CDH12: variants seen among roughly 807,000 people sequenced by gnomAD.
The protein encoded by CDH12 is cadherin-12.
In CDH12, 41 loss-of-function variants were observed where a neutral mutation model predicts 74.1. The ratio of observed to expected loss-of-function variants is 0.55; its 90% CI spans 0.43 to 0.72. The LOEUF is 0.72. CDH12 is among the 30% of genes least tolerant of loss of function. The probability of loss-of-function intolerance (pLI) is 0.00; values close to 1 mark genes in which losing one functional copy is unlikely to be tolerated. For missense variants in CDH12, 945 were observed against 977.2 expected, an observed-to-expected ratio of 0.97 and a Z score of 0.44; for synonymous variants, 399 against 355.0, an observed-to-expected ratio of 1.12 and a Z score of -1.39.
intron 6 of CDH12, among the ~76,000 whole-genome samples, chr5:21,921,274 C>G (rs1754339868): frequency 6.6e-6 from 1 of 152,086 alleles, no homozygotes; most frequent in African/African-American, 2.4e-5. Context: ...TAAATGAGGT[C>G]AATGTATTTA....
At chr5:22,599,298 A>AT (rs1736740615) in intron 1 of CDH12, among the ~76,000 whole-genome samples, 1 of 152,132 alleles carries the variant, frequency 6.6e-6, no homozygotes, top group Non-Finnish European at 1.5e-5. Context: ...TGGTGATAAG[A>AT]TTCGGGAATA....
chr5:22,629,738 G>A (rs570441529), intron 1 of CDH12, among the ~76,000 whole-genome samples: 74 of 152,092 alleles, frequency 4.9e-4, no homozygotes, highest in Admixed American at 1.3e-3. Context: ...ATTGTTTAAT[G>A]TAGTACTGGA....
intron 4 of CDH12, among the ~76,000 whole-genome samples, chr5:22,199,637 T>C (rs1009246725): frequency 2.6e-5 from 4 of 152,142 alleles, no homozygotes; most frequent in South Asian, 2.1e-4. Flanking sequence ...TAGCATCCCA[T>C]AGAGAAAAAC....
intron 2 of CDH12, among the ~76,000 whole-genome samples, chr5:22,489,042 T>G (rs1266234455): frequency 1.4e-5 from 2 of 146,140 alleles, no homozygotes; most frequent in Non-Finnish European, 3.0e-5. Flanking sequence ...GTAATTGCAG[T>G]TTTTTGGTAC....
In CDH12 at chr5:22,662,729, T is replaced by A. The variant is rs146697727; in HGVS notation, c.-522-157365A>T. Among the ~76,000 whole-genome samples, 20 of 152,326 alleles carry A rather than the reference T, an allele frequency of 1.3e-4. No homozygotes were observed. In the East Asian group the frequency reaches 3.9e-3, roughly 29 times the overall value. On this transcript the variant is annotated intron_variant, in intron 1 of 14. Transcript: ENST00000382254. The stretch of plus-strand genomic sequence containing the variant: ...TGTCAGCTGTTGCATTCCCTAAAGA[T>A]GTAGTTCTGGCACAGGATTTTAACA...
chr5:22,141,208 T>G (rs1165569831), intron 4 of CDH12: 3 of 152,202 alleles, frequency 2.0e-5, no homozygotes, highest in Non-Finnish European at 4.4e-5. Context: ...ATGCTGAGAA[T>G]AAAACTTCTA....
intron 3 of CDH12, among the ~76,000 whole-genome samples, chr5:22,317,752 C>T (rs1382093118): frequency 1.3e-5 from 2 of 152,092 alleles, no homozygotes; most frequent in African/African-American, 4.8e-5. Flanking sequence ...CTAATAATAG[C>T]ATTTATAATA....
chr5:22,328,126 G>A (rs1177031420), intron 3 of CDH12, among the ~76,000 whole-genome samples: 1 of 151,890 alleles, frequency 6.6e-6, no homozygotes, highest in Non-Finnish European at 1.5e-5. Context: ...AATCCTCCTG[G>A]GCCACCAAAT....
At chr5:22,338,851 T>C (rs978988132) in intron 3 of CDH12, among the ~76,000 whole-genome samples, 4 of 152,210 alleles carry the variant, frequency 2.6e-5, no homozygotes, top group African/African-American at 9.6e-5. Context: ...TAAGCTCCTA[T>C]GTTGTCAGAT....
intron 4 of CDH12, among the ~76,000 whole-genome samples, chr5:22,118,399 AACC>A (rs1745297154): frequency 6.6e-6 from 1 of 152,046 alleles, no homozygotes; most frequent in Non-Finnish European, 1.5e-5. Flanking sequence ...TCGTCTCTAA[AACC>A]ACCATCTCAC....
At position 21,888,079 on chromosome 5, in the gene CDH12, G is replaced by A. The variant is rs1423650470; in HGVS notation, c.527-33289C>T. ...ACACTAAGGAGGGTCTGAAAAGACTGCTACATTAGCCGGGCCTGGGGTAGT... is the reference window on the plus strand; with the variant it reads ...ACACTAAGGAGGGTCTGAAAAGACTACTACATTAGCCGGGCCTGGGGTAGT... On this transcript the variant is annotated intron_variant, in intron 6 of 14. Transcript: ENST00000382254. Among the ~76,000 whole-genome samples the A allele has an allele frequency of 3.3e-5, 5 of 152,106 alleles. No individual in the cohort carries two copies. The East Asian group carries it at 7.7e-4, about 24-fold the overall frequency.
At chr5:22,230,424 C>G (rs549200381) in intron 3 of CDH12, among the ~76,000 whole-genome samples, 7 of 151,152 alleles carry the variant, frequency 4.6e-5, no homozygotes, top group Non-Finnish European at 8.8e-5. Flanking sequence ...TCATGTCAAA[C>G]GAGTCTTTGT....
chr5:22,342,822 C>T (rs1224039256), intron 3 of CDH12, among the ~76,000 whole-genome samples: 5 of 142,592 alleles, frequency 3.5e-5, no homozygotes, highest in Non-Finnish European at 7.5e-5. Context: ...CTCTCTTTCT[C>T]TCTCTGTCTC....
intron 1 of CDH12, among the ~76,000 whole-genome samples, chr5:22,852,034 T>G (rs779646297): frequency 6.6e-6 from 1 of 152,164 alleles, no homozygotes; most frequent in Non-Finnish European, 1.5e-5. Context: ...ATAGTGTAAT[T>G]TAAAACTGTA....
In CDH12 at chr5:22,317,146, C is replaced by T. The variant is rs184303862; in HGVS notation, c.-333+88111G>A. On this transcript the variant is annotated intron_variant, in intron 3 of 14. Coordinates refer to ENST00000382254, the MANE Select transcript of CDH12 (RefSeq NM_004061.5). Reference sequence around the variant, plus strand: ...CAGCCTGGCCAACACGGTGAAACCCCGTCTCTACTAAAAATACAGAAATTA... The same window carrying T: ...CAGCCTGGCCAACACGGTGAAACCCTGTCTCTACTAAAAATACAGAAATTA... 8.5e-5 allele frequency among the ~76,000 whole-genome samples: 13 copies of T among 152,074 alleles called. No homozygotes were observed. The East Asian group carries it at 1.4e-3, about 16-fold the overall frequency.
At chr5:22,728,930 T>C (rs1018747035) in intron 1 of CDH12, among the ~76,000 whole-genome samples, 4 of 151,824 alleles carry the variant, frequency 2.6e-5, no homozygotes, top group African/African-American at 9.7e-5. Context: ...GACAAAAGCA[T>C]GCAATCCATA....
At chr5:22,769,549 C>T (rs1204018761) in intron 1 of CDH12, among the ~76,000 whole-genome samples, 1 of 152,010 alleles carries the variant, frequency 6.6e-6, no homozygotes, top group Non-Finnish European at 1.5e-5. Flanking sequence ...TTGGAGATAG[C>T]CTATCGTGGG....
intron 5 of CDH12, among the ~76,000 whole-genome samples, chr5:22,047,863 T>C (rs191130742): frequency 3.9e-4 from 59 of 152,342 alleles, no homozygotes; most frequent in Non-Finnish European, 7.6e-4. Flanking sequence ...AGTCAGAATA[T>C]GTGTGAGATG....
chr5:22,559,897 C>T (rs1738965244), intron 1 of CDH12, among the ~76,000 whole-genome samples: 1 of 152,006 alleles, frequency 6.6e-6, no homozygotes, highest in African/African-American at 2.4e-5. Flanking sequence ...CATAAAGTTC[C>T]CTTAGCTCCA....
Sources: allele counts gnomAD v4.1 joint callset (sites outside exome capture counted in the v4.1 genomes callset), GRCh38; gene constraint gnomAD v4.1.1; transcripts MANE v1.5; gene names NCBI Gene and HGNC (gene_info 2026-07-23, HGNC 2026-07-21).